The following SACS variants were observed in gnomAD, a reference collection of about 807,000 sequenced individuals.
SACS encodes sacsin molecular chaperone.
In SACS, 197 loss-of-function variants were observed where a neutral mutation model predicts 348.0. The observed-to-expected ratio is 0.57, with a 90% CI of 0.50 to 0.64. The LOEUF (loss-of-function observed/expected upper bound fraction) is 0.64, where lower values mean the gene tolerates loss of function less well. Ranked by LOEUF, SACS falls within the 30% of genes least tolerant of loss-of-function variation. SACS has a pLI of 0.00. For missense variants in SACS, 4,999 were observed against 5,360.8 expected (o/e 0.93, Z 2.11); for synonymous variants, 1,985 against 1,910.6 (o/e 1.04, Z -1.02).
rs1566070358 is a variant in SACS, at chr13:23,340,291, A to G, written c.3585T>C (p.Ile1195=). The G allele has an allele frequency of 1.9e-6, 3 of 1,613,862 alleles. No individual in the cohort carries two copies. The highest frequency in any genetic ancestry group is 2.5e-6 in the Non-Finnish European group (3 of 1,179,852). Residue 1195 remains isoleucine, a synonymous_variant, in exon 10 of 10, where the codon ATT becomes ATC. Coordinates refer to ENST00000382292, the MANE Select transcript of SACS (RefSeq NM_014363.6). ...DMCDVGHAIL[I]GSSLPLVESI... is the part of the protein sequence containing the mutation. Reference sequence around the variant, plus strand: ...TTTCAACAAGAGGAAGTGAGGAGCCAATGAGAATTGCATGGCCTACATCAC... The same window carrying G: ...TTTCAACAAGAGGAAGTGAGGAGCCGATGAGAATTGCATGGCCTACATCAC...
intron 3 of SACS, among the ~76,000 whole-genome samples, chr13:23,372,289 G>A (rs1457249507): frequency 6.6e-6 from 1 of 152,188 alleles, no homozygotes; most frequent in Non-Finnish European, 1.5e-5. Flanking sequence ...AAAGTAAGGA[G>A]ACCAGGACAA....
At chr13:23,389,854 G>C (rs777077530) in intron 2 of SACS, among the ~76,000 whole-genome samples, 5 of 152,152 alleles carry the variant, frequency 3.3e-5, no homozygotes, top group Non-Finnish European at 7.4e-5. Flanking sequence ...GCAGGGAGTT[G>C]GGGGATGGAC....
In SACS at chr13:23,333,602, T is replaced by C. The variant is rs147317123; in HGVS notation, c.10274A>G (p.Lys3425Arg). The C allele has an allele frequency of 2.8e-4, 444 of 1,613,802 alleles. 1 individual carries two copies. The African/African-American group carries it at 5.4e-3, about 20-fold the overall frequency. Residue 3425 changes from lysine to arginine, a missense_variant, in exon 10 of 10, where the codon AAA becomes AGA. Transcript: ENST00000382292. The stretch of plus-strand genomic sequence containing the variant: ...TGTAAGTACGTAGCATGTTCCAAAT[T>C]TTCCAATGCTTACATAGCGGCCACT... ...SISGRYVSIG[K>R]FGTCYVLTKS... is the part of the protein sequence containing the mutation.
intron 4 of SACS, among the ~76,000 whole-genome samples, chr13:23,370,020 G>T (rs536540011): frequency 1.9e-3 from 291 of 151,844 alleles, no homozygotes; most frequent in Non-Finnish European, 3.5e-3. Flanking sequence ...CACTACACCT[G>T]GCTAATTTTT....
Position 23,340,154 on chromosome 13 carries a change from C to G in SACS, c.3722G>C (p.Ser1241Thr), listed in dbSNP as rs1292057678. The G allele has an allele frequency of 2.5e-6, 4 of 1,613,172 alleles. No individual in the cohort carries two copies. In the East Asian group the frequency reaches 8.9e-5, roughly 36 times the overall value. The change falls in exon 10 of 10, where the codon AGT (serine) becomes ACT (threonine). Residue 1241 changes from serine (S) to threonine (T), a missense_variant. Around this residue, in one of 6 missense-constraint regions of SACS, gnomAD observed 3,156 missense variants for 3,380.1 expected, o/e 0.93. Transcript: ENST00000382292. ...VVDWYSSKTFSDEDYYQFQHI... is the reference protein window; with the variant it reads ...VVDWYSSKTFTDEDYYQFQHI... ...CTGGAATTGATAGTAGTCTTCATCACTAAAGGTTTTTGAAGAATACCAATC... is the reference window on the plus strand; with the variant it reads ...CTGGAATTGATAGTAGTCTTCATCAGTAAAGGTTTTTGAAGAATACCAATC...
intron 2 of SACS, among the ~76,000 whole-genome samples, chr13:23,402,547 A>C (rs1873024515): frequency 6.6e-6 from 1 of 152,244 alleles, no homozygotes; most frequent in African/African-American, 2.4e-5. Context: ...TTCCCCTTGT[A>C]ACAAGGCATA....
Position 23,335,854 on chromosome 13 carries a change from A to T in SACS, c.8022T>A (p.Phe2674Leu). 1.9e-6 allele frequency: 3 copies of T among 1,614,020 alleles called. No homozygotes were observed. Among genetic ancestry groups the T allele is most frequent in the Non-Finnish European group, 2.5e-6 (3 of 1,179,900 alleles). ...CCAGAACATCTGAGAACTGTGTCCT[A>T]AAATCTGCATCCAAATCTCTAAACA... ...GRMFRDLDADFRTQFSDVLDL... is the reference protein window; with the variant it reads ...GRMFRDLDADLRTQFSDVLDL... The change falls in exon 10 of 10, where the codon TTT becomes TTA. Residue 2674 changes from phenylalanine (F) to leucine (L), a missense_variant. Phe to Leu is a conservative substitution (Grantham distance 22). This residue lies in a region of SACS where 3,156 missense variants were observed against 3,380.1 expected (regional missense o/e 0.93). Transcript: ENST00000382292. This position sits in a 1 kb window ranked among gnomAD's most constrained non-coding sequence, Gnocchi z 4.7.
At chr13:23,418,441 G>A (rs1873773782) in intron 1 of SACS, among the ~76,000 whole-genome samples, 1 of 152,156 alleles carries the variant, frequency 6.6e-6, no homozygotes, top group Non-Finnish European at 1.5e-5. Context: ...AGACATATAT[G>A]TTTGTTTCCC....
chr13:23,381,039 C>T (rs1240198460), intron 2 of SACS, among the ~76,000 whole-genome samples: 4 of 152,128 alleles, frequency 2.6e-5, no homozygotes, highest in Admixed American at 2.6e-4. Context: ...CCAGATAAAC[C>T]TGAAAATGAG....
chr13:23,342,849 A>C (rs1869355477), intron 9 of SACS, among the ~76,000 whole-genome samples: 1 of 152,204 alleles, frequency 6.6e-6, no homozygotes, highest in African/African-American at 2.4e-5. Context: ...CAGATGTCTA[A>C]TTTAAGTACC....
intron 9 of SACS, 121 bp from the exon 10 acceptor site, chr13:23,341,811 G>A (rs559572704): frequency 3.2e-4 from 264 of 813,946 alleles, no homozygotes; most frequent in Middle Eastern, 3.0e-3. Flanking sequence ...TTTTTTGACG[G>A]AGTCTTGCTC....
At chr13:23,411,193 TGTC>T (rs763545440) in intron 2 of SACS, 24 bp downstream of exon 2, 1 of 1,582,600 alleles carries the variant, frequency 6.3e-7, no homozygotes, top group Non-Finnish European at 8.7e-7. Flanking sequence ...TGCAAATTAT[TGTC>T]ATTTAAAACA....
Position 23,335,710 on chromosome 13 carries a change from C to T in SACS, c.8166G>A (p.Met2722Ile). The part of the protein sequence containing the change: ...EISSVPASDR[M>I]VQNLLDKLRS... Reference sequence around the variant, plus strand: ...GCAGTTTGTCCAAAAGATTCTGGACCATTCTGTCTGATGCTGGAACAGACG... The same window carrying T: ...GCAGTTTGTCCAAAAGATTCTGGACTATTCTGTCTGATGCTGGAACAGACG... The change falls in exon 10 of 10, where the codon ATG becomes ATA. Residue 2722 changes from methionine to isoleucine, a missense_variant. Physicochemically the swap from Met to Ile is conservative, Grantham distance 10 (BLOSUM62 1). Transcript: ENST00000382292. The surrounding 1 kb of genome is among the most constrained non-coding windows in gnomAD (Gnocchi z 4.7). The T allele has an allele frequency of 6.2e-7, 1 of 1,614,024 alleles. No individual in the cohort carries two copies. Among genetic ancestry groups the T allele is most frequent in the Non-Finnish European group, 8.5e-7 (1 of 1,179,908 alleles).
At chr13:23,363,371 G>A (rs1037247968) in intron 6 of SACS, among the ~76,000 whole-genome samples, 4 of 151,872 alleles carry the variant, frequency 2.6e-5, no homozygotes, top group Admixed American at 2.6e-4. Context: ...GTGATTACAG[G>A]TGCCCGCCAC....
rs530250252 is a variant in SACS, at chr13:23,335,734, C to A, written c.8142G>T (p.Ser2714=). 4 of 1,613,896 alleles carry A rather than the reference C, an allele frequency of 2.5e-6. No individual in the cohort carries two copies. The highest frequency in any genetic ancestry group is 3.4e-6 in the Non-Finnish European group (4 of 1,179,918). The change falls in exon 10 of 10, where the codon TCG becomes TCT. Residue 2714 remains serine, a synonymous_variant. Coordinates refer to ENST00000382292, the MANE Select transcript of SACS (RefSeq NM_014363.6). This position sits in a 1 kb window ranked among gnomAD's most constrained non-coding sequence, Gnocchi z 4.7. Reference sequence around the variant, plus strand: ...CCATTCTGTCTGATGCTGGAACAGACGAAATTTCCGAAACTTTTGCCATTT... The same window carrying A: ...CCATTCTGTCTGATGCTGGAACAGAAGAAATTTCCGAAACTTTTGCCATTT... ...NAEMAKVSEI[S]SVPASDRMVQ...
At chr13:23,359,476 C>T (rs1364731700) in intron 6 of SACS, among the ~76,000 whole-genome samples, 1 of 151,950 alleles carries the variant, frequency 6.6e-6, no homozygotes, top group Admixed American at 6.6e-5. Flanking sequence ...TTTTAAAAAC[C>T]ATTAATGTGA....
chr13:23,386,088 G>A (rs757482813), intron 2 of SACS, among the ~76,000 whole-genome samples: 11 of 152,268 alleles, frequency 7.2e-5, no homozygotes, highest in African/African-American at 1.2e-4. Context: ...ATGCTTAAGC[G>A]CCCTAGGATC....
In SACS at chr13:23,336,524, A is replaced by G. The variant is rs1459694501; in HGVS notation, c.7352T>C (p.Ile2451Thr). The G allele has an allele frequency of 2.5e-6, 4 of 1,613,754 alleles. No homozygotes were observed. In the African/African-American group the frequency reaches 4.0e-5, roughly 16 times the overall value. Residue 2451 changes from isoleucine to threonine, a missense_variant, in exon 10 of 10, where the codon ATA becomes ACA. Physicochemically the swap from Ile to Thr is moderately conservative, Grantham distance 89. Transcript: ENST00000382292. ...CATAAGATTAGTATCTGGCAATAAT[A>G]TCTTGCCATAATTTTTCTCACAAAA... ...QEFCEKNYGKILLPDTNLMLL... is the reference protein window; with the variant it reads ...QEFCEKNYGKTLLPDTNLMLL...
intron 6 of SACS, among the ~76,000 whole-genome samples, chr13:23,359,402 T>C (rs939520858): frequency 6.6e-6 from 1 of 152,070 alleles, no homozygotes; most frequent in African/African-American, 2.4e-5. Context: ...ATAATCACCT[T>C]GTAAGTGTTT....
Sources: allele counts gnomAD v4.1 joint callset (sites outside exome capture counted in the v4.1 genomes callset), GRCh38; gene constraint gnomAD v4.1.1; regional missense constraint gnomAD v4.1.1; non-coding constraint Gnocchi (gnomAD v3.1); transcripts MANE v1.5; gene names NCBI Gene and HGNC (gene_info 2026-07-23, HGNC 2026-07-21).